Variants in TRABD2B observed in about 807,000 individuals in gnomAD.
TRABD2B encodes metalloprotease TIKI2.
TRABD2B carries 14 observed loss-of-function variants against 40.1 expected under a neutral mutation model. The observed-to-expected ratio is 0.35, with a 90% CI of 0.23 to 0.55. The LOEUF is 0.55. Ranked by LOEUF, TRABD2B falls within the 20% of genes least tolerant of loss-of-function variation. The probability of loss-of-function intolerance (pLI) is 0.90; values close to 1 mark genes in which losing one functional copy is unlikely to be tolerated. For missense variants in TRABD2B, 541 were observed against 648.6 expected, an observed-to-expected ratio of 0.83 and a Z score of 1.80; for synonymous variants, 263 against 277.0, an observed-to-expected ratio of 0.95 and a Z score of 0.50.
chr1:47,988,239 G>T (rs1227969563), intron 2 of TRABD2B, among the ~76,000 whole-genome samples: 1 of 152,134 alleles, frequency 6.6e-6, no homozygotes, highest in Non-Finnish European at 1.5e-5. Flanking sequence ...GTCTCTATCT[G>T]AAGTGTGGAG....
chr1:47,874,733 A>AATAT lies in TRABD2B; in HGVS notation c.667-73118_667-73115dup, dbSNP rs544355935. 5.0e-4 allele frequency among the ~76,000 whole-genome samples: 74 copies of AATAT among 147,704 alleles called. 1 individual carries two copies. In the East Asian group the frequency reaches 7.4e-3, roughly 15 times the overall value. On this transcript the variant is annotated intron_variant, in intron 2 of 6. Coordinates refer to ENST00000606738, the MANE Select transcript of TRABD2B (RefSeq NM_001194986.2). ...CCGACATGCACCACCAGGCCTGGCT[A>AATAT]ATATATATATATATATACACGCACA... is the stretch of plus-strand genomic sequence containing the variant.
rs115130651 is a variant in TRABD2B at position 47,851,943 on chromosome 1, C to T, written c.667-50324G>A. ...AGACTGTCTGGCTACAGAATTTGTGCTCTTAATCAATGTGATTCACAAAGT... is the reference window on the plus strand; with the variant it reads ...AGACTGTCTGGCTACAGAATTTGTGTTCTTAATCAATGTGATTCACAAAGT... On this transcript the variant is annotated intron_variant, in intron 2 of 6. Transcript: ENST00000606738. Among the ~76,000 whole-genome samples, 898 of 152,284 alleles carry T rather than the reference C, an allele frequency of 5.9e-3. 13 individuals carry two copies. Among genetic ancestry groups the T allele is most frequent in the African/African-American group, 0.02 (834 of 41,542 alleles).
intron 2 of TRABD2B, among the ~76,000 whole-genome samples, chr1:47,888,797 G>A (rs1644406928): frequency 6.6e-6 from 1 of 152,146 alleles, no homozygotes; most frequent in African/African-American, 2.4e-5. Context: ...CACGGACGCT[G>A]ACTGCTGTTT....
intron 2 of TRABD2B, among the ~76,000 whole-genome samples, chr1:47,888,390 G>A (rs1644401545): frequency 6.6e-6 from 1 of 152,204 alleles, no homozygotes; most frequent in Admixed American, 6.5e-5. Flanking sequence ...ATCTGCAGGT[G>A]CAGTGCCCTT....
chr1:47,859,319 G>A (rs1643932383), intron 2 of TRABD2B, among the ~76,000 whole-genome samples: 1 of 152,154 alleles, frequency 6.6e-6, no homozygotes, highest in Admixed American at 6.5e-5. Flanking sequence ...ACACTGGCTG[G>A]GAAACGGATA....
chr1:47,977,343 A>G (rs1266522736), intron 2 of TRABD2B, among the ~76,000 whole-genome samples: 1 of 152,162 alleles, frequency 6.6e-6, no homozygotes, highest in East Asian at 1.9e-4. Context: ...AGGTTCTGGA[A>G]TAACAGGTGT....
chr1:47,775,568 C>T (rs562358413), intron 5 of TRABD2B, 129 bp from the exon 6 acceptor site: 41 of 968,304 alleles, frequency 4.2e-5, no homozygotes, highest in South Asian at 2.7e-4. Context: ...CTGCTGGGCC[C>T]GGTGACAGCA....
intron 3 of TRABD2B, among the ~76,000 whole-genome samples, chr1:47,797,256 G>C (rs564318019): frequency 1.9e-4 from 29 of 152,236 alleles, no homozygotes; most frequent in Non-Finnish European, 2.5e-4. Flanking sequence ...AGTGCTTACT[G>C]AGCACTGTGC....
At chr1:47,906,534 A>G (rs1230652581) in intron 2 of TRABD2B, among the ~76,000 whole-genome samples, 2 of 152,164 alleles carry the variant, frequency 1.3e-5, no homozygotes. Flanking sequence ...TCTCAGCTCC[A>G]TTCTCCCAGA....
At chr1:47,838,419 C>A (rs1003098082) in intron 2 of TRABD2B, among the ~76,000 whole-genome samples, 1 of 152,172 alleles carries the variant, frequency 6.6e-6, no homozygotes, top group African/African-American at 2.4e-5. Context: ...GGTCTGCAGC[C>A]CAAGAAGAGC....
chr1:47,779,086 T>C (rs1361105425), intron 4 of TRABD2B, among the ~76,000 whole-genome samples: 2 of 152,204 alleles, frequency 1.3e-5, no homozygotes, highest in South Asian at 2.1e-4. Flanking sequence ...TGTGTTCATG[T>C]GGGCCTCCTC....
chr1:47,997,345 G>T lies in TRABD2B; in HGVS notation c.-556C>A. ...GGGCGGCCGCGCGGCCGCTGCCCGG[G>T]CTCCGCCATGCTGCTCCGCGGCCGG... On this transcript the variant is annotated 5_prime_UTR_variant, in exon 1 of 7. Coordinates refer to ENST00000606738, the MANE Select transcript of TRABD2B (RefSeq NM_001194986.2). 1 of 326,934 alleles carries T rather than the reference G, an allele frequency of 3.1e-6. No homozygotes were observed. The highest frequency in any genetic ancestry group is 4.3e-6 in the Non-Finnish European group (1 of 232,560). The allele number at this position is 326,934 out of a possible 1,614,324, so 20.3% of individuals were successfully genotyped here.
intron 2 of TRABD2B, among the ~76,000 whole-genome samples, chr1:47,809,225 G>C (rs1219801754): frequency 6.6e-6 from 1 of 152,160 alleles, no homozygotes; most frequent in Non-Finnish European, 1.5e-5. Flanking sequence ...TCCCAGGCCA[G>C]GTACTCCCCA....
chr1:47,839,777 C>A (rs140836141), intron 2 of TRABD2B, among the ~76,000 whole-genome samples: 1 of 152,156 alleles, frequency 6.6e-6, no homozygotes, highest in African/African-American at 2.4e-5. Context: ...GGGAGGGCAA[C>A]CGCTTAACTC....
At chr1:47,778,610 A>G in intron 4 of TRABD2B, 66 bp from the exon 5 acceptor site, 2 of 1,186,322 alleles carry the variant, frequency 1.7e-6, no homozygotes, top group African/African-American at 1.5e-5. Context: ...GGACTGCCCC[A>G]GGCCATCCCC....
intron 2 of TRABD2B, among the ~76,000 whole-genome samples, chr1:47,971,936 C>T (rs1645687618): frequency 1.3e-5 from 2 of 152,028 alleles, no homozygotes; most frequent in Non-Finnish European, 2.9e-5. Context: ...GGAGCACAAA[C>T]AGATGAAAGA....
intron 4 of TRABD2B, 128 bp from the exon 5 acceptor site, chr1:47,778,672 C>T: frequency 1.5e-6 from 1 of 689,288 alleles, no homozygotes; most frequent in South Asian, 1.7e-5. Context: ...CCCCAGATTC[C>T]CTGAGAGGCA....
chr1:47,815,425 G>C (rs559491369), intron 2 of TRABD2B, among the ~76,000 whole-genome samples: 1 of 152,266 alleles, frequency 6.6e-6, no homozygotes, highest in East Asian at 1.9e-4. Flanking sequence ...TGGGCAGAGG[G>C]AGGACTGCTC....
intron 2 of TRABD2B, among the ~76,000 whole-genome samples, chr1:47,910,900 A>C (rs1644754166): frequency 6.6e-6 from 1 of 152,236 alleles, no homozygotes; most frequent in South Asian, 2.1e-4. Context: ...CAAATGACCA[A>C]GTTGTGGCCA....
Sources: gnomAD v4.1 joint callset for allele counts (sites outside exome capture counted in the v4.1 genomes callset) on GRCh38, gnomAD v4.1.1 for gene constraint, MANE v1.5 for transcripts, NCBI Gene and HGNC (gene_info 2026-07-23, HGNC 2026-07-21) for gene names.